Variants in HYDIN observed in about 807,000 individuals in gnomAD.
HYDIN encodes axonemal central pair apparatus protein HYDIN.
HYDIN carries 132 observed loss-of-function variants against 403.9 expected under a neutral mutation model. The ratio of observed to expected loss-of-function variants is 0.33; its 90% CI spans 0.28 to 0.38. HYDIN has a LOEUF of 0.38. Ranked by LOEUF, HYDIN falls within the 10% of genes least tolerant of loss-of-function variation. HYDIN has a pLI of 1.00. For missense variants in HYDIN, 2,827 were observed against 5,009.5 expected (o/e 0.56, Z 13.15); for synonymous variants, 1,202 against 1,891.7 (o/e 0.64, Z 9.46).
chr16:70,940,376 A>G (rs2077631912), intron 43 of HYDIN, among the ~76,000 whole-genome samples: 1 of 151,806 alleles, frequency 6.6e-6, no homozygotes, highest in Non-Finnish European at 1.5e-5. Flanking sequence ...GATAAGAATA[A>G]TAACATACGG....
chr16:70,845,780 G>T (rs963925343), intron 75 of HYDIN, among the ~76,000 whole-genome samples: 1 of 136,440 alleles, frequency 7.3e-6, no homozygotes, highest in African/African-American at 3.5e-5. Context: ...GAGAGTGTAT[G>T]TGTCGAGGAA....
intron 19 of HYDIN, among the ~76,000 whole-genome samples, chr16:71,028,373 G>A (rs932803905): frequency 2.6e-5 from 4 of 151,832 alleles, no homozygotes; most frequent in Admixed American, 2.6e-4. Context: ...GAACACCACC[G>A]GGATTGGTCA....
rs140926095 is a variant in HYDIN, at chr16:71,098,125, G to A, written c.1328-4190C>T. Among the ~76,000 whole-genome samples the A allele has an allele frequency of 2.4e-3, 361 of 151,834 alleles. 7 individuals carry two copies. The highest frequency in any genetic ancestry group is 8.2e-3 in the African/African-American group (341 of 41,384). On this transcript the variant is annotated intron_variant, in intron 10 of 85. Coordinates refer to ENST00000393567, the MANE Select transcript of HYDIN (RefSeq NM_001270974.2). ...TTCAAAGGGTTCCCCTGCTCCATCC[G>A]ATCCCTGGAAAAGAGGGTCCTCTAA...
intron 12 of HYDIN, among the ~76,000 whole-genome samples, chr16:71,082,393 A>C (rs574661894): frequency 1.9e-4 from 29 of 152,174 alleles, no homozygotes; most frequent in Non-Finnish European, 4.0e-4. Context: ...CTGAGCTTTA[A>C]AGGAAGTGAA....
At chr16:71,192,144 C>T (rs1239710852) in intron 1 of HYDIN, among the ~76,000 whole-genome samples, 2 of 152,166 alleles carry the variant, frequency 1.3e-5, no homozygotes, top group Non-Finnish European at 2.9e-5. Context: ...TAGAACCAGT[C>T]ATTATGGTCC....
intron 77 of HYDIN, among the ~76,000 whole-genome samples, chr16:70,836,755 G>C (rs955206956): frequency 6.6e-6 from 1 of 152,232 alleles, no homozygotes; most frequent in African/African-American, 2.4e-5. Context: ...AGGCAAGAGA[G>C]TCTGTCCCAC....
Position 70,908,831 on chromosome 16 carries a change from C to G in HYDIN, c.8035G>C (p.Gly2679Arg). Residue 2679 changes from glycine (G) to arginine (R), a missense_variant, in exon 48 of 86, where the codon GGG becomes CGG. Transcript: ENST00000393567. Reference sequence around the variant, plus strand: ...TTTTCTTTCATTTTCTGTTTGCCCCCCTTAGATGAGCTGGTCTGCTCCTCT... The same window carrying G: ...TTTTCTTTCATTTTCTGTTTGCCCCGCTTAGATGAGCTGGTCTGCTCCTCT... Reference protein sequence around the residue: ...AQEEQTSSSKGGKQKMKEKID... With the variant: ...AQEEQTSSSKRGKQKMKEKID... 6.2e-7 allele frequency: 1 copy of G among 1,614,168 alleles called. No individual in the cohort carries two copies. Among genetic ancestry groups the G allele is most frequent in the Non-Finnish European group, 8.5e-7 (1 of 1,180,046 alleles).
chr16:70,902,831 T>A (rs201795038), intron 52 of HYDIN, among the ~76,000 whole-genome samples: 6 of 130,224 alleles, frequency 4.6e-5, no homozygotes, highest in South Asian at 2.4e-4. Flanking sequence ...ATTTTTTTTT[T>A]TTTTTTTGTC....
chr16:71,096,987 A>G lies in HYDIN; in HGVS notation c.1328-3052T>C, dbSNP rs1425258916. Among the ~76,000 whole-genome samples the G allele has an allele frequency of 4.7e-5, 5 of 107,210 alleles. 2 individuals are homozygous for G. Among genetic ancestry groups the G allele is most frequent in the African/African-American group, 2.8e-4 (5 of 17,870 alleles). The allele number at this position is 107,210 out of a possible 152,430, so 70.3% of individuals were successfully genotyped here. Reference sequence around the variant, plus strand: ...GTTTTGTGAGAGAATTAAGCCCCGCAGCAAATCATTTGAGTGATTATTTTC... The same window carrying G: ...GTTTTGTGAGAGAATTAAGCCCCGCGGCAAATCATTTGAGTGATTATTTTC... On this transcript the variant is annotated intron_variant, in intron 10 of 85. Coordinates refer to ENST00000393567, the MANE Select transcript of HYDIN (RefSeq NM_001270974.2).
At chr16:71,224,187 C>G (rs1487185508) in intron 1 of HYDIN, among the ~76,000 whole-genome samples, 4 of 152,062 alleles carry the variant, frequency 2.6e-5, no homozygotes, top group Admixed American at 1.3e-4. Context: ...GTGAAGTAAC[C>G]CAGGAGTGAA....
intron 23 of HYDIN, among the ~76,000 whole-genome samples, chr16:71,000,072 T>C (rs2079653770): frequency 6.6e-6 from 1 of 150,652 alleles, no homozygotes; most frequent in African/African-American, 2.4e-5. Flanking sequence ...TTTCTTTTAA[T>C]GTCTGGCTTT....
At chr16:71,032,313 T>TG (rs1217326481) in intron 18 of HYDIN, among the ~76,000 whole-genome samples, 1 of 149,322 alleles carries the variant, frequency 6.7e-6, no homozygotes, top group Non-Finnish European at 1.5e-5. Context: ...TTTTGTTTTT[T>TG]TTTTTTTTGG....
rs1302169826 is a variant in HYDIN, at chr16:70,806,879, T to C, written c.*701A>G. 2.0e-5 allele frequency among the ~76,000 whole-genome samples: 3 copies of C among 152,106 alleles called. No homozygotes were observed. The highest frequency in any genetic ancestry group is 7.2e-5 in the African/African-American group (3 of 41,412). The stretch of plus-strand genomic sequence containing the variant: ...GAGTTAGGTGGTCCTGATGTGCAGA[T>C]GGGTTGAGAATCCCTGCTCTCCTGC... On this transcript the variant is annotated 3_prime_UTR_variant, in exon 86 of 86. Coordinates refer to ENST00000393567, the MANE Select transcript of HYDIN (RefSeq NM_001270974.2).
intron 72 of HYDIN, among the ~76,000 whole-genome samples, chr16:70,855,672 T>C (rs1161581618): frequency 2.6e-5 from 4 of 152,372 alleles, no homozygotes; most frequent in Admixed American, 6.5e-5. Context: ...TCTTTGAAAA[T>C]AGACCTTTGG....
Position 70,978,858 on chromosome 16 carries a change from C to T in HYDIN, c.4638+56G>A, listed in dbSNP as rs201023966. 4 of 1,450,972 alleles carry T rather than the reference C, an allele frequency of 2.8e-6. No individual in the cohort carries two copies. The South Asian group carries it at 3.7e-5, about 13-fold the overall frequency. 89.9% of individuals were successfully genotyped at this position (1,450,972 alleles called of 1,614,324 possible). A position where few individuals can be genotyped will look rare whatever the true frequency, so the allele number is the denominator to read the frequency against. Reference sequence around the variant, plus strand: ...GCCCTCTGCACACAACTCCTATGCACTCTGCACGCACCACCCTCCTGCACA... The same window carrying T: ...GCCCTCTGCACACAACTCCTATGCATTCTGCACGCACCACCCTCCTGCACA... On this transcript the variant is annotated intron_variant, in intron 30 of 85. Transcript: ENST00000393567.
chr16:71,071,035 C>G (rs1184822809), intron 13 of HYDIN, among the ~76,000 whole-genome samples: 4 of 151,890 alleles, frequency 2.6e-5, no homozygotes, highest in Admixed American at 6.6e-5. Context: ...GCTTCACAAT[C>G]ATGCTACATG....
rs370929497 is a variant in HYDIN at position 70,892,313 on chromosome 16, C to T, written c.9417+48G>A. On this transcript the variant is annotated intron_variant, in intron 56 of 85. Transcript: ENST00000393567. The stretch of plus-strand genomic sequence containing the variant: ...ATGTATCCTTCTTTGCAACAGGAGT[C>T]GTACGATCCTGCCATTGAGGCAGCC... 4.0e-3 allele frequency: 6,196 copies of T among 1,565,480 alleles called. 22 individuals are homozygous for T. The highest frequency in any genetic ancestry group is 4.4e-3 in the Non-Finnish European group (5,102 of 1,159,288).
chr16:71,189,546 T>A (rs986358944), intron 1 of HYDIN, among the ~76,000 whole-genome samples: 21 of 152,174 alleles, frequency 1.4e-4, no homozygotes, highest in Admixed American at 4.6e-4. Flanking sequence ...GGCAGGCGGA[T>A]CACGCGGTCA....
At chr16:71,177,201 C>T (rs959447522) in intron 4 of HYDIN, among the ~76,000 whole-genome samples, 9 of 152,156 alleles carry the variant, frequency 5.9e-5, no homozygotes, top group South Asian at 2.1e-4. Flanking sequence ...CCCTTTACCC[C>T]GACTTGCTAT....
Sources: allele counts gnomAD v4.1 joint callset (sites outside exome capture counted in the v4.1 genomes callset), GRCh38; gene constraint gnomAD v4.1.1; transcripts MANE v1.5; gene names NCBI Gene and HGNC (gene_info 2026-07-23, HGNC 2026-07-21).